The following LYST variants were observed in gnomAD, a reference collection of about 807,000 sequenced individuals.
LYST encodes the protein lysosomal-trafficking regulator.
In LYST, 192 loss-of-function variants were observed where a neutral mutation model predicts 413.6. The ratio of observed to expected loss-of-function variants is 0.46; its 90% confidence interval spans 0.41 to 0.52. The LOEUF (loss-of-function observed/expected upper bound fraction) is 0.52. Among genes scored for constraint, LYST ranks in the 20% least tolerant of loss-of-function variants. LYST has a pLI of 0.00. For synonymous variants in LYST, 1,525 were observed against 1,567.3 expected, an observed-to-expected ratio of 0.97 and a Z score of 0.64; for missense variants, 3,815 against 4,499.9, an observed-to-expected ratio of 0.85 and a Z score of 4.35.
chr1:235,773,464 T>C (rs1668916057), intron 19 of LYST, among the ~76,000 whole-genome samples: 1 of 152,172 alleles, frequency 6.6e-6, no homozygotes, highest in Non-Finnish European at 1.5e-5. Flanking sequence ...CGGAATATTA[T>C]TCATTCTTAA....
intron 16 of LYST, among the ~76,000 whole-genome samples, 192 bp from the exon 17 acceptor site, chr1:235,777,500 T>G (rs1669392496): frequency 6.6e-6 from 1 of 152,172 alleles, no homozygotes; most frequent in Non-Finnish European, 1.5e-5. Flanking sequence ...GGTCAGTGAT[T>G]TATTTAGCAG....
upstream of LYST, among the ~76,000 whole-genome samples, chr1:235,869,856 C>T (rs1680855515): frequency 6.6e-6 from 1 of 152,148 alleles, no homozygotes; most frequent in Admixed American, 6.5e-5. Flanking sequence ...ACCTACATAC[C>T]TGCTTCTTTA....
intron 1 of LYST, among the ~76,000 whole-genome samples, chr1:235,877,672 C>G (rs935053558): frequency 2.0e-5 from 3 of 152,106 alleles, no homozygotes; most frequent in Admixed American, 6.5e-5. Flanking sequence ...TCCCAAAGTG[C>G]TAGGATTACA....
Position 235,759,010 on chromosome 1 carries a change from A to G in LYST, c.6843T>C (p.Gly2281=). 4.3e-6 allele frequency: 7 copies of G among 1,614,102 alleles called. No homozygotes were observed. Among genetic ancestry groups the G allele is most frequent in the Non-Finnish European group, 5.9e-6 (7 of 1,179,992 alleles). ...CAGTTCGGTTGTAATTTGGCTCATA[A>G]CCAAGAGAATAGGCAAAGTTTTCCC... ...DDWENFAYSL[G]YEPNYNRTAS... Residue 2281 remains glycine, a synonymous_variant, in exon 23 of 53, where the codon GGT becomes GGC. Coordinates refer to ENST00000389793, the MANE Select transcript of LYST (RefSeq NM_000081.4).
intron 40 of LYST, among the ~76,000 whole-genome samples, chr1:235,718,278 C>T (rs1452917461): frequency 1.3e-5 from 2 of 151,686 alleles, no homozygotes; most frequent in Non-Finnish European, 2.9e-5. Context: ...AACTAAAAAT[C>T]AGCCACAATA....
chr1:235,881,883 T>G (rs1681390739), intron 1 of LYST, among the ~76,000 whole-genome samples: 1 of 152,056 alleles, frequency 6.6e-6, no homozygotes, highest in Non-Finnish European at 1.5e-5. Context: ...GAGGAGTTAG[T>G]GTTCAATGGG....
At chr1:235,815,300 G>T (rs1471321600) in intron 3 of LYST, among the ~76,000 whole-genome samples, 2 of 152,110 alleles carry the variant, frequency 1.3e-5, no homozygotes, top group Non-Finnish European at 2.9e-5. Context: ...ACAGGAGACA[G>T]AAAATAATGG....
At chr1:235,799,668 C>A (rs1179637176) in intron 10 of LYST, among the ~76,000 whole-genome samples, 1 of 152,224 alleles carries the variant, frequency 6.6e-6, no homozygotes, top group South Asian at 2.1e-4. Context: ...TTATGAATTT[C>A]TCAAATGTCT....
intron 28 of LYST, among the ~76,000 whole-genome samples, chr1:235,750,270 G>T (rs1003949023): frequency 2.8e-4 from 43 of 152,096 alleles, no homozygotes; most frequent in African/African-American, 1.0e-3. Flanking sequence ...AATGTAGAGG[G>T]CAGTAAGTTT....
chr1:235,734,100 A>T (rs1246877074), intron 32 of LYST, among the ~76,000 whole-genome samples, 194 bp from the exon 33 acceptor site: 1 of 152,162 alleles, frequency 6.6e-6, no homozygotes, highest in Non-Finnish European at 1.5e-5. Flanking sequence ...TATATAATTT[A>T]GGTCACATAA....
intron 50 of LYST, among the ~76,000 whole-genome samples, chr1:235,669,684 G>A (rs906202330): frequency 6.6e-6 from 1 of 152,144 alleles, no homozygotes; most frequent in Non-Finnish European, 1.5e-5. Context: ...ACCTCCGCAG[G>A]GTATTTGTAC....
At chr1:235,737,914 C>T (rs777066759) in intron 31 of LYST, 34 of 1,160,682 alleles carry the variant, frequency 2.9e-5, no homozygotes, top group African/African-American at 3.1e-5. Context: ...CCGCTGCCGA[C>T]GAGTCTGGAT....
chr1:235,866,196 CTCAG>C (rs1200005491), intron 1 of LYST, among the ~76,000 whole-genome samples: 1 of 152,182 alleles, frequency 6.6e-6, no homozygotes. Context: ...GAAGGGGCAT[CTCAG>C]TCAGGCTCCA....
intron 13 of LYST, 75 bp downstream of exon 13, chr1:235,788,626 A>G: frequency 7.0e-7 from 1 of 1,426,550 alleles, no homozygotes; most frequent in Non-Finnish European, 9.8e-7. Context: ...TTATTAGTAG[A>G]TTTCACATTA....
intron 38 of LYST, among the ~76,000 whole-genome samples, chr1:235,725,787 G>A (rs1663815460): frequency 6.6e-6 from 1 of 152,116 alleles, no homozygotes; most frequent in South Asian, 2.1e-4. Flanking sequence ...GTGGTCAACA[G>A]AAGAAAAGAA....
chr1:235,759,609 GT>G lies in LYST; in HGVS notation c.6254-11del. On this transcript the variant is annotated splice_polypyrimidine_tract_variant and intron_variant, in intron 22 of 52. Coordinates refer to ENST00000389793, the MANE Select transcript of LYST (RefSeq NM_000081.4). ...TTAGAGGAATTCTCTCCTGGTAAGA[GT>G]AGATACAAAAATACTACTTAAAAAT... The G allele has an allele frequency of 6.2e-7, 1 of 1,606,806 alleles. No homozygotes were observed. The highest frequency in any genetic ancestry group is 8.5e-7 in the Non-Finnish European group (1 of 1,173,734).
chr1:235,770,444 A>T, intron 19 of LYST, 147 bp from the exon 20 acceptor site: 2 of 792,204 alleles, frequency 2.5e-6, no homozygotes, highest in Non-Finnish European at 4.4e-6. Context: ...CAATGTTAAA[A>T]TTTATTCCCT....
rs1227624153 is a variant in LYST, at chr1:235,731,110, G to T, written c.8869C>A (p.Arg2957=). 3 of 1,613,542 alleles carry T rather than the reference G, an allele frequency of 1.9e-6. No homozygotes were observed. The Admixed American group carries it at 5.0e-5, about 27-fold the overall frequency. ...CATCTCTGTAAACGTCTCCTCTCTC[G>T]ATTTGGCCCTTCTGTTGGATCCAAC... ...WQLDPTEGPN[R]ERRRLQRCYL... is the part of the protein sequence containing the mutation. The change falls in exon 35 of 53, where the codon CGA becomes AGA. Residue 2957 remains arginine (R), a synonymous_variant. Transcript: ENST00000389793.
chr1:235,753,768 A>G (rs1000116396), intron 25 of LYST, among the ~76,000 whole-genome samples: 2 of 152,220 alleles, frequency 1.3e-5, no homozygotes, highest in African/African-American at 4.8e-5. Context: ...TGTCAAAAAT[A>G]TGTGGTGATA....
Sources: gnomAD v4.1 joint callset for allele counts (sites outside exome capture counted in the v4.1 genomes callset) on GRCh38, gnomAD v4.1.1 for gene constraint, MANE v1.5 for transcripts, NCBI Gene and HGNC (gene_info 2026-07-23, HGNC 2026-07-21) for gene names.